The following SHB variants were observed in gnomAD, a reference collection of about 807,000 sequenced individuals.
The protein encoded by SHB is SH2 domain containing adaptor protein B.
Under a neutral mutation model 52.3 loss-of-function variants are expected in SHB, and 20 were observed. That is an observed-to-expected ratio of 0.38 (90% confidence interval 0.27 to 0.56). SHB has a LOEUF of 0.56. Among genes scored for constraint, SHB ranks in the 20% least tolerant of loss-of-function variants. The pLI, the probability that SHB is intolerant of heterozygous loss-of-function variation, is 0.71. For missense variants in SHB, 825 were observed against 723.3 expected (o/e 1.14, Z -1.61); for synonymous variants, 397 against 316.5 (o/e 1.25, Z -2.70).
intron 2 of SHB, among the ~76,000 whole-genome samples, chr9:37,980,258 T>C (rs1395683600): frequency 6.6e-6 from 1 of 152,262 alleles, no homozygotes; most frequent in Non-Finnish European, 1.5e-5. Flanking sequence ...CTTTTCAAAC[T>C]CTGCTGCTGC....
rs962130697 is a variant in SHB, at chr9:38,057,764, T to C, written c.717+10165A>G. ...AATTTAGCCGTGGCCTGGAGAAACC[T>C]GCAGACTCTCATTCCTCCTAGTTCT... On this transcript the variant is annotated intron_variant, in intron 1 of 5. Transcript: ENST00000377707. 1.3e-5 allele frequency among the ~76,000 whole-genome samples: 2 copies of C among 152,364 alleles called. 1 individual carries two copies. Among genetic ancestry groups the C allele is most frequent in the African/African-American group, 4.8e-5 (2 of 41,584 alleles).
At chr9:38,021,328 G>C in intron 1 of SHB, among the ~76,000 whole-genome samples, 1 of 149,988 alleles carries the variant, frequency 6.7e-6, no homozygotes, top group East Asian at 2.0e-4. Flanking sequence ...CAGTAAGAGC[G>C]AAACTCTGTC....
chr9:37,999,524 C>G (rs146340289), intron 2 of SHB, among the ~76,000 whole-genome samples: 123 of 152,250 alleles, frequency 8.1e-4, no homozygotes, highest in African/African-American at 2.8e-3. Context: ...GGAAAGATAT[C>G]CCCTAGGGAG....
chr9:37,975,448 G>A (rs762224787), intron 2 of SHB, among the ~76,000 whole-genome samples: 1 of 152,192 alleles, frequency 6.6e-6, no homozygotes, highest in East Asian at 1.9e-4. Context: ...TTAGGGATTT[G>A]AGAGGGTGTC....
chr9:37,917,050 AAC>A lies in SHB; in HGVS notation c.*2769_*2770del, dbSNP rs1832108844. 3.3e-5 allele frequency among the ~76,000 whole-genome samples: 5 copies of A among 151,996 alleles called. No individual in the cohort carries two copies. Among genetic ancestry groups the A allele is most frequent in the Admixed American group, 3.3e-4 (5 of 15,268 alleles). On this transcript the variant is annotated 3_prime_UTR_variant, in exon 6 of 6. Transcript: ENST00000377707. The stretch of plus-strand genomic sequence containing the variant: ...TTGGCAGCAGATGAAAAAAAAAAAA[AAC>A]AAACCCAAAACAAAAACCAAACCAA...
intron 5 of SHB, among the ~76,000 whole-genome samples, chr9:37,938,952 A>G (rs1832406128): frequency 1.3e-5 from 2 of 152,110 alleles, no homozygotes; most frequent in Admixed American, 6.5e-5. Context: ...TTCCAGGTCT[A>G]CGTTGCAGCC....
intron 3 of SHB, among the ~76,000 whole-genome samples, chr9:37,966,287 T>C (rs908906843): frequency 1.3e-5 from 2 of 152,212 alleles, no homozygotes; most frequent in African/African-American, 2.4e-5. Context: ...AAGTATTCTA[T>C]CAAATCTTTG....
chr9:38,045,525 C>G (rs1821641153), intron 1 of SHB, among the ~76,000 whole-genome samples: 2 of 151,930 alleles, frequency 1.3e-5, no homozygotes, highest in Admixed American at 6.6e-5. Flanking sequence ...GCAGGAGAAT[C>G]TCTTGAATCT....
chr9:38,068,242 C>G lies in SHB; in HGVS notation c.404G>C (p.Gly135Ala), dbSNP rs936265794. 7.1e-6 allele frequency: 10 copies of G among 1,401,628 alleles called. No homozygotes were observed. Among genetic ancestry groups the G allele is most frequent in the Non-Finnish European group, 8.3e-6 (9 of 1,090,116 alleles). The allele number at this position is 1,401,628 out of a possible 1,614,324, so 86.8% of individuals were successfully genotyped here. A position where few individuals can be genotyped will look rare whatever the true frequency, so the allele number is the denominator to read the frequency against. The change falls in exon 1 of 6, where the codon GGC (glycine) becomes GCC (alanine). Residue 135 changes from glycine to alanine, a missense_variant. Physicochemically the swap from Gly to Ala is moderately conservative, Grantham distance 60. Coordinates refer to ENST00000377707, the MANE Select transcript of SHB (RefSeq NM_003028.3). ...QRAFSASSASGAAGCCCASSG... is the reference protein window; with the variant it reads ...QRAFSASSASAAAGCCCASSG... ...GGAGGCGCAGCAACAGCCCGCGGCG[C>G]CCGACGCGGACGAGGCCGAGAAGGC...
At position 37,919,490 on chromosome 9, in the gene SHB, G is replaced by A. The variant is rs1052433500; in HGVS notation, c.*331C>T. The A allele has an allele frequency of 8.0e-5, 14 of 174,306 alleles. No individual in the cohort carries two copies. Among genetic ancestry groups the A allele is most frequent in the South Asian group, 2.5e-4 (2 of 8,154 alleles). The allele number at this position is 174,306 out of a possible 1,614,324, so 10.8% of individuals were successfully genotyped here. A position where few individuals can be genotyped will look rare whatever the true frequency, so the allele number is the denominator to read the frequency against. ...AAGAGATGTCAGCCAGGGAGCTCCC[G>A]CCCCACCCTACCCCGCCCCTCGGAG... On this transcript the variant is annotated 3_prime_UTR_variant, in exon 6 of 6. Transcript: ENST00000377707.
chr9:38,008,564 A>G (rs1401351633), intron 2 of SHB, among the ~76,000 whole-genome samples: 1 of 152,238 alleles, frequency 6.6e-6, no homozygotes, highest in African/African-American at 2.4e-5. Flanking sequence ...ATTTCAAAAT[A>G]AGGCCCAGGA....
At chr9:37,951,765 C>A (rs898344018) in intron 4 of SHB, among the ~76,000 whole-genome samples, 1 of 152,224 alleles carries the variant, frequency 6.6e-6, no homozygotes, top group African/African-American at 2.4e-5. Context: ...CACACAGAGT[C>A]AAGGGCAGGG....
At chr9:37,936,696 A>AT (rs1832375729) in intron 5 of SHB, 1 of 152,104 alleles carries the variant, frequency 6.6e-6, no homozygotes, top group Non-Finnish European at 1.5e-5. Flanking sequence ...ATGTACCTAG[A>AT]TTTTTTTCCT....
rs550951146 is a variant in SHB, at chr9:38,069,201, G to T, written c.-556C>A. 6.7e-3 allele frequency: 1,001 copies of T among 148,692 alleles called. 8 individuals are homozygous for T. The highest frequency in any genetic ancestry group is 0.013 in the Admixed American group (201 of 14,990). 9.2% of individuals were successfully genotyped at this position (148,692 alleles called of 1,614,324 possible). ...CGCCGGAGCCCGCGCGCCCGTGCCC[G>T]TCCCGGCGGCGCCTGTCGCTGCCAC... On this transcript the variant is annotated 5_prime_UTR_variant, in exon 1 of 6. Transcript: ENST00000377707.
At chr9:38,011,890 G>A (rs1285202265) in intron 2 of SHB, among the ~76,000 whole-genome samples, 2 of 152,220 alleles carry the variant, frequency 1.3e-5, no homozygotes, top group Non-Finnish European at 2.9e-5. Flanking sequence ...GACACCCCCA[G>A]AGATGCTGCT....
intron 1 of SHB, among the ~76,000 whole-genome samples, chr9:38,033,510 C>T (rs1821443609): frequency 6.6e-6 from 1 of 152,146 alleles, no homozygotes; most frequent in African/African-American, 2.4e-5. Context: ...ATAGGGAGAC[C>T]CTGCCTCCAC....
chr9:38,031,244 C>T (rs1821408177), intron 1 of SHB, among the ~76,000 whole-genome samples: 1 of 152,156 alleles, frequency 6.6e-6, no homozygotes, highest in South Asian at 2.1e-4. Flanking sequence ...TCGCTTGAAC[C>T]CGGGAGGCAG....
At chr9:38,019,410 T>A (rs1478638257) in intron 1 of SHB, among the ~76,000 whole-genome samples, 1 of 152,262 alleles carries the variant, frequency 6.6e-6, no homozygotes, top group Non-Finnish European at 1.5e-5. Flanking sequence ...GGCCTCTCCA[T>A]GCCTCCTCTC....
chr9:37,923,534 G>A (rs1019903483), intron 5 of SHB, among the ~76,000 whole-genome samples: 3 of 152,204 alleles, frequency 2.0e-5, no homozygotes, highest in Non-Finnish European at 4.4e-5. Flanking sequence ...ACACAGCCAG[G>A]AGACATGCTG....
Sources: gnomAD v4.1 joint callset for allele counts (sites outside exome capture counted in the v4.1 genomes callset) on GRCh38, gnomAD v4.1.1 for gene constraint, MANE v1.5 for transcripts, NCBI Gene and HGNC (gene_info 2026-07-23, HGNC 2026-07-21) for gene names.